Variants in PAX2 observed in about 807,000 individuals in gnomAD.
The protein encoded by PAX2 is paired box 2, also known as paired box protein Pax-2.
PAX2 carries 9 observed loss-of-function variants against 41.7 expected under a neutral mutation model. The ratio of observed to expected loss-of-function variants is 0.22; its 90% CI spans 0.13 to 0.38. The LOEUF (loss-of-function observed/expected upper bound fraction) is 0.38. Among genes scored for constraint, PAX2 ranks in the 10% least tolerant of loss-of-function variants. PAX2 has a pLI of 1.00. For synonymous variants in PAX2, 221 were observed against 212.7 expected (o/e 1.04, Z -0.34); for missense variants, 418 against 531.6 (o/e 0.79, Z 2.10).
intron 3 of PAX2, among the ~76,000 whole-genome samples, chr10:100,776,380 C>T (rs748793424): frequency 4.6e-5 from 7 of 152,212 alleles, no homozygotes; most frequent in Non-Finnish European, 2.9e-5. Flanking sequence ...TAATTCCCTT[C>T]GGTCCCCATG....
At position 100,746,216 on chromosome 10, in the gene PAX2, G is replaced by T. The variant is rs371896581; in HGVS notation, c.-45G>T. 7 of 1,613,316 alleles carry T rather than the reference G, an allele frequency of 4.3e-6. No individual in the cohort carries two copies. The African/African-American group carries it at 9.3e-5, about 22-fold the overall frequency. On this transcript the variant is annotated 5_prime_UTR_variant, in exon 1 of 10. Transcript: ENST00000355243. ...AGTCCTGAAGTTGAGTTTGAGAGGC[G>T]ACACGGCGGCGGCGGCCGCGCTGCT... is the stretch of plus-strand genomic sequence containing the variant.
intron 5 of PAX2, chr10:100,786,819 C>T: frequency 3.8e-6 from 2 of 529,892 alleles, no homozygotes; most frequent in Non-Finnish European, 3.6e-6. Context: ...GGAATTGCAG[C>T]TCAGAACCCT....
intron 5 of PAX2, among the ~76,000 whole-genome samples, chr10:100,786,574 T>G (rs1211987813): frequency 3.3e-5 from 5 of 152,192 alleles, no homozygotes; most frequent in African/African-American, 1.2e-4. Context: ...TGTCATGCAC[T>G]GGGAAGGTGT....
intron 7 of PAX2, among the ~76,000 whole-genome samples, chr10:100,823,462 A>T (rs1350681658): frequency 6.6e-6 from 1 of 152,096 alleles, no homozygotes; most frequent in Non-Finnish European, 1.5e-5. Context: ...AGAGAGAGAG[A>T]TGCTTTGGAA....
chr10:100,787,534 A>G (rs147227087), intron 5 of PAX2, among the ~76,000 whole-genome samples: 1 of 152,292 alleles, frequency 6.6e-6, no homozygotes, highest in African/African-American at 2.4e-5. Context: ...GCAAGGTGAA[A>G]GAAAATTGCA....
rs773541393 is a variant in PAX2 at position 100,748,474 on chromosome 10, G to C, written c.44-1272G>C. 9.5e-5 allele frequency: 94 copies of C among 985,062 alleles called. No homozygotes were observed. The highest frequency in any genetic ancestry group is 1.1e-4 in the Non-Finnish European group (91 of 829,828). The allele number at this position is 985,062 out of a possible 1,614,324, so 61.0% of individuals were successfully genotyped here. A position where few individuals can be genotyped will look rare whatever the true frequency, so the allele number is the denominator to read the frequency against. Reference sequence around the variant, plus strand: ...AAATGAGGGGGGCACAGATGTCCCCGCTTTCTCCGAAACTCGCGTGAGGCT... The same window carrying C: ...AAATGAGGGGGGCACAGATGTCCCCCCTTTCTCCGAAACTCGCGTGAGGCT... On this transcript the variant is annotated intron_variant, in intron 1 of 9. Coordinates refer to ENST00000355243, the MANE Select transcript of PAX2 (RefSeq NM_000278.5). The surrounding 1 kb of genome is among the most constrained non-coding windows in gnomAD (Gnocchi z 5.0).
upstream of PAX2, among the ~76,000 whole-genome samples, chr10:100,742,337 TG>T (rs1490371145): frequency 6.0e-5 from 6 of 100,610 alleles, no homozygotes; most frequent in Admixed American, 2.1e-4. Flanking sequence ...CGCCGGTGCG[TG>T]GGTACACTCG....
At chr10:100,747,816 G>T (rs1034904395) in intron 1 of PAX2, 7 of 984,956 alleles carry the variant, frequency 7.1e-6, no homozygotes, top group African/African-American at 5.3e-5. Context: ...GAGTGGAACC[G>T]GGTCCACACG....
intron 3 of PAX2, among the ~76,000 whole-genome samples, chr10:100,764,662 A>G (rs1396613316): frequency 6.6e-6 from 1 of 151,408 alleles, no homozygotes; most frequent in Non-Finnish European, 1.5e-5. Context: ...GTCAACTTTG[A>G]GAGCCCAGAC....
At chr10:100,749,647 C>T (rs1277568015) in intron 1 of PAX2, 99 bp from the exon 2 acceptor site, 2 of 1,526,606 alleles carry the variant, frequency 1.3e-6, no homozygotes, top group East Asian at 2.3e-5. Flanking sequence ...GCCCTTCCGC[C>T]CTGCCTGCTT....
chr10:100,785,930 T>C (rs1324213112), intron 5 of PAX2, among the ~76,000 whole-genome samples: 1 of 152,206 alleles, frequency 6.6e-6, no homozygotes. Context: ...TCTTCTCCTC[T>C]GTAAAATGAA....
intron 5 of PAX2, among the ~76,000 whole-genome samples, chr10:100,793,800 G>A (rs1292247395): frequency 6.6e-6 from 1 of 152,150 alleles, no homozygotes; most frequent in Non-Finnish European, 1.5e-5. Flanking sequence ...GGCCTCTCTG[G>A]GGATCTTTGT....
intron 7 of PAX2, among the ~76,000 whole-genome samples, chr10:100,816,270 C>T (rs574145875): frequency 1.3e-5 from 2 of 152,346 alleles, no homozygotes; most frequent in Non-Finnish European, 2.9e-5. Context: ...GTTGAGAATA[C>T]TGGCCACTGC....
At position 100,781,270 on chromosome 10, in the gene PAX2, T is replaced by C. The variant is rs745930396; in HGVS notation, c.521T>C (p.Val174Ala). The C allele has an allele frequency of 1.9e-6, 3 of 1,614,024 alleles. No individual in the cohort carries two copies. Among genetic ancestry groups the C allele is most frequent in the Non-Finnish European group, 2.5e-6 (3 of 1,179,870 alleles). ...GTTCCCAGCACGGCCTCCCCTCCTG[T>C]TTCCAGCGCCTCCAATGACCCAGTG... ...TIVPSTASPP[V>A]SSASNDPVGS... Residue 174 changes from valine (V) to alanine (A), a missense_variant, in exon 5 of 10, where the codon GTT (valine) becomes GCT (alanine). This residue lies in a region of PAX2 where 310 missense variants were observed against 325.2 expected (regional missense o/e 0.95). Coordinates refer to ENST00000355243, the MANE Select transcript of PAX2 (RefSeq NM_000278.5).
At chr10:100,794,618 G>T (rs1382382955) in intron 5 of PAX2, among the ~76,000 whole-genome samples, 2 of 152,152 alleles carry the variant, frequency 1.3e-5, no homozygotes, top group Admixed American at 1.3e-4. Context: ...GAAGGTTAAA[G>T]TTCCTCTGAA....
At chr10:100,776,636 C>T (rs1846397143) in intron 3 of PAX2, among the ~76,000 whole-genome samples, 1 of 152,194 alleles carries the variant, frequency 6.6e-6, no homozygotes, top group African/African-American at 2.4e-5. Context: ...CTCTGTGTGC[C>T]TGCTGATGCA....
chr10:100,829,419 C>G lies in PAX2; in HGVS notation c.*1800C>G, dbSNP rs1473669321. 9.6e-6 allele frequency: 2 copies of G among 208,598 alleles called. No homozygotes were observed. Among genetic ancestry groups the G allele is most frequent in the Non-Finnish European group, 2.0e-5 (2 of 102,082 alleles). 12.9% of individuals were successfully genotyped at this position (208,598 alleles called of 1,614,324 possible). On this transcript the variant is annotated 3_prime_UTR_variant, in exon 10 of 10. Coordinates refer to ENST00000355243, the MANE Select transcript of PAX2 (RefSeq NM_000278.5). ...CGGGCTCGCCCCCTCGCGGGCGTGC[C>G]CCGCGCGCCCCGGGCGGCCGAAGGC...
chr10:100,747,664 G>T (rs1277312691), intron 1 of PAX2: 3 of 984,160 alleles, frequency 3.0e-6, no homozygotes, highest in East Asian at 2.3e-4. Context: ...CGTTGCGGGG[G>T]TTGGGGGGGG....
chr10:100,783,146 A>G (rs527963047), intron 5 of PAX2, among the ~76,000 whole-genome samples: 64 of 152,376 alleles, frequency 4.2e-4, no homozygotes, highest in African/African-American at 1.4e-3. Context: ...GGCCCAGAAC[A>G]GGGCGCTCTC....
Sources: gnomAD v4.1 joint callset for allele counts (sites outside exome capture counted in the v4.1 genomes callset) on GRCh38, gnomAD v4.1.1 for gene constraint, gnomAD v4.1.1 regional missense constraint, Gnocchi (gnomAD v3.1) non-coding constraint, MANE v1.5 for transcripts, NCBI Gene and HGNC (gene_info 2026-07-23, HGNC 2026-07-21) for gene names.